Variants in CLSPN observed in about 807,000 individuals in gnomAD.
CLSPN encodes the protein claspin homolog.
CLSPN carries 85 observed loss-of-function variants against 156.3 expected under a neutral mutation model. The ratio of observed to expected loss-of-function variants is 0.54; its 90% CI spans 0.46 to 0.65. CLSPN has a LOEUF of 0.65. Among genes scored for constraint, CLSPN ranks in the 30% least tolerant of loss-of-function variants. CLSPN has a pLI of 0.00. For synonymous variants in CLSPN, 534 were observed against 542.4 expected (o/e 0.98, Z 0.22); for missense variants, 1,407 against 1,554.9 (o/e 0.90, Z 1.60).
At chr1:35,747,770 GTAA>G in intron 14 of CLSPN, 134 bp downstream of exon 14, 1 of 775,598 alleles carries the variant, frequency 1.3e-6, no homozygotes, top group South Asian at 2.1e-5. Context: ...CTTATAGAAT[GTAA>G]TACTAATGGT....
rs773970650 is a variant in CLSPN, at chr1:35,760,920, GA to G, written c.1005-5del. 3 of 1,596,818 alleles carry G rather than the reference GA, an allele frequency of 1.9e-6. No individual in the cohort carries two copies. Among genetic ancestry groups the G allele is most frequent in the Non-Finnish European group, 2.6e-6 (3 of 1,168,316 alleles). On this transcript the variant is annotated splice_region_variant and splice_polypyrimidine_tract_variant and intron_variant, in intron 7 of 24. Transcript: ENST00000318121. ...GCTTGACTGATATTTAGATGACCTA[GA>G]GAAGAGAAATTGAGCTGGAGTTGAA...
intron 4 of CLSPN, among the ~76,000 whole-genome samples, 199 bp downstream of exon 4, chr1:35,762,961 A>C (rs1005753615): frequency 1.3e-5 from 2 of 152,098 alleles, no homozygotes; most frequent in African/African-American, 2.4e-5. Context: ...GGGTAATAAC[A>C]AAACACTAGT....
chr1:35,743,197 A>C lies in CLSPN; in HGVS notation c.3087T>G (p.His1029Gln). The C allele has an allele frequency of 6.2e-7, 1 of 1,614,130 alleles. No homozygotes were observed. Among genetic ancestry groups the C allele is most frequent in the Non-Finnish European group, 8.5e-7 (1 of 1,179,982 alleles). Residue 1029 changes from histidine (H) to glutamine (Q), a missense_variant, in exon 18 of 25, where the codon CAT (histidine) becomes CAG (glutamine). Transcript: ENST00000318121. ...GGAGTTCTTCTTCATCATCATCTTC[A>C]TGGTCTTCCAGTGCCAGATCATTAC... ...DSGNDLALED[H>Q]EDDDEEELLK...
In CLSPN at chr1:35,762,386, T is replaced by C. The variant is rs1223481669; in HGVS notation, c.822+18A>G. 15 of 1,592,802 alleles carry C rather than the reference T, an allele frequency of 9.4e-6. No homozygotes were observed. In the African/African-American group the frequency reaches 1.2e-4, roughly 13 times the overall value. On this transcript the variant is annotated intron_variant, in intron 5 of 24. Transcript: ENST00000318121. ...TGTAAAGAGATCAGTGTGACTAATA[T>C]ACAGGGCTCTACCTCACCTTCCTCG...
At position 35,751,207 on chromosome 1, in the gene CLSPN, A is replaced by G. The variant is rs201575016; in HGVS notation, c.2028+43T>C. ...TTTCAAGTCTGACTTTTTCTCTCAT[A>G]TTCACCATGACAAGGTAACAAAACA... On this transcript the variant is annotated intron_variant, in intron 10 of 24. Coordinates refer to ENST00000318121, the MANE Select transcript of CLSPN (RefSeq NM_022111.4). 6.3e-6 allele frequency: 10 copies of G among 1,578,278 alleles called. No individual in the cohort carries two copies. The African/African-American group carries it at 6.8e-5, about 11-fold the overall frequency.
At position 35,746,930 on chromosome 1, in the gene CLSPN, G is replaced by A. The variant is rs1045388888; in HGVS notation, c.2690C>T (p.Ala897Val). Residue 897 changes from alanine (A) to valine (V), a missense_variant, in exon 15 of 25, where the codon GCC becomes GTC. Physicochemically the swap from Ala to Val is moderately conservative, Grantham distance 64 (BLOSUM62 0). Around this residue, in one of 3 missense-constraint regions of CLSPN, gnomAD observed 1,096 missense variants for 1,193.0 expected, o/e 0.92. Transcript: ENST00000318121. The surrounding 1 kb of genome is among the most constrained non-coding windows in gnomAD (Gnocchi z 4.2). The part of the protein sequence containing the change: ...YQALKPRLPL[A>V]SMDENAMDAN... The stretch of plus-strand genomic sequence containing the variant: ...ATCCATGGCATTCTCATCCATACTG[G>A]CCAATGGCAATCGAGGCTTCAAAGC... 6 of 1,613,912 alleles carry A rather than the reference G, an allele frequency of 3.7e-6. No individual in the cohort carries two copies. Among genetic ancestry groups the A allele is most frequent in the African/African-American group, 2.7e-5 (2 of 74,866 alleles).
chr1:35,747,554 C>G (rs898516044), intron 14 of CLSPN, among the ~76,000 whole-genome samples: 27 of 152,178 alleles, frequency 1.8e-4, no homozygotes, highest in Non-Finnish European at 2.8e-4. Context: ...GATGCTAGAG[C>G]AGGGCTTGGC....
intron 13 of CLSPN, 71 bp from the exon 14 acceptor site, chr1:35,748,132 A>G (rs2148618588): frequency 2.6e-6 from 4 of 1,531,264 alleles, no homozygotes; most frequent in Non-Finnish European, 3.5e-6. Context: ...GACAACCACA[A>G]AAGTTGCTAT....
chr1:35,722,054 G>A (rs1380927825), intron 24 of CLSPN, among the ~76,000 whole-genome samples: 16 of 151,472 alleles, frequency 1.1e-4, no homozygotes, highest in Non-Finnish European at 1.6e-4. Context: ...CAGGAGAATC[G>A]CTTGAACCCA....
At chr1:35,739,012 G>T in intron 20 of CLSPN, 124 bp downstream of exon 20, 1 of 1,115,900 alleles carries the variant, frequency 9.0e-7, no homozygotes, top group Non-Finnish European at 1.3e-6. Flanking sequence ...TGTTGTTCAG[G>T]CTGGTCCTGA....
Position 35,746,735 on chromosome 1 carries a change from G to A in CLSPN, c.2854+31C>T, listed in dbSNP as rs1327729516. Reference sequence around the variant, plus strand: ...TCAAGGGCACTGATACTTGGGTGTGGTAAGCTTGATACTCTCGGTTGGATA... The same window carrying A: ...TCAAGGGCACTGATACTTGGGTGTGATAAGCTTGATACTCTCGGTTGGATA... On this transcript the variant is annotated intron_variant, in intron 15 of 24. Transcript: ENST00000318121. This position sits in a 1 kb window ranked among gnomAD's most constrained non-coding sequence, Gnocchi z 4.2. 1 of 1,466,990 alleles carries A rather than the reference G, an allele frequency of 6.8e-7. No individual in the cohort carries two copies. Among genetic ancestry groups the A allele is most frequent in the East Asian group, 2.3e-5 (1 of 44,252 alleles). 90.9% of individuals were successfully genotyped at this position (1,466,990 alleles called of 1,614,324 possible). A position where few individuals can be genotyped will look rare whatever the true frequency, so the allele number is the denominator to read the frequency against.
chr1:35,728,130 C>T (rs921974454), downstream of CLSPN, among the ~76,000 whole-genome samples: 1 of 136,466 alleles, frequency 7.3e-6, no homozygotes, highest in South Asian at 2.4e-4. Flanking sequence ...GTCACCCAGA[C>T]TGGAATGCAA....
At chr1:35,747,328 A>T (rs1408650244) in intron 14 of CLSPN, among the ~76,000 whole-genome samples, 1 of 152,148 alleles carries the variant, frequency 6.6e-6, no homozygotes, top group Non-Finnish European at 1.5e-5. Context: ...CCTCAAAAAA[A>T]AAAATAAAAA....
Position 35,732,967 on chromosome 1 carries a change from C to A in CLSPN, c.*3529G>T, listed in dbSNP as rs1187340666. On this transcript the variant is annotated 3_prime_UTR_variant, in exon 25 of 25. Coordinates refer to ENST00000318121, the MANE Select transcript of CLSPN (RefSeq NM_022111.4). ...GCCTCAATCAGAAACCATTTTCTTT[C>A]TTTCTTTTTTTTTTTGAGAGGGAGT... 1.0e-6 allele frequency: 1 copy of A among 984,698 alleles called. No homozygotes were observed. The highest frequency in any genetic ancestry group is 1.2e-6 in the Non-Finnish European group (1 of 829,418). 61.0% of individuals were successfully genotyped at this position (984,698 alleles called of 1,614,324 possible). A position where few individuals can be genotyped will look rare whatever the true frequency, so the allele number is the denominator to read the frequency against.
chr1:35,731,946 C>T (rs1641327719), downstream of CLSPN, among the ~76,000 whole-genome samples: 1 of 152,196 alleles, frequency 6.6e-6, no homozygotes. Context: ...TAATTTCTTT[C>T]ATTCTCAAAG....
intron 24 of CLSPN, 126 bp from the exon 25 acceptor site, chr1:35,736,732 C>A: frequency 7.1e-7 from 1 of 1,418,388 alleles, no homozygotes. Flanking sequence ...GAAAGATAAA[C>A]TTTCTCGGCA....
At chr1:35,739,341 A>G (rs1641608632) in intron 19 of CLSPN, 24 bp downstream of exon 19, 3 of 1,613,814 alleles carry the variant, frequency 1.9e-6, no homozygotes, top group Non-Finnish European at 2.5e-6. Flanking sequence ...CCTATTACTC[A>G]GAAGGGCTTA....
At position 35,736,279 on chromosome 1, in the gene CLSPN, T is replaced by A; in HGVS notation, c.*217A>T. On this transcript the variant is annotated 3_prime_UTR_variant, in exon 25 of 25. Transcript: ENST00000318121. ...TTCCATGAGTTGTTGATGTTGTAAA[T>A]ACTGCAGAATTGAAATCAGTGGCCA... 2 of 1,164,010 alleles carry A rather than the reference T, an allele frequency of 1.7e-6. No individual in the cohort carries two copies. The highest frequency in any genetic ancestry group is 2.1e-6 in the Non-Finnish European group (2 of 945,612). The allele number at this position is 1,164,010 out of a possible 1,614,324, so 72.1% of individuals were successfully genotyped here. A position where few individuals can be genotyped will look rare whatever the true frequency, so the allele number is the denominator to read the frequency against.
rs1641383152 is a variant in CLSPN at position 35,733,924 on chromosome 1, G to A, written c.*2572C>T. 1.2e-6 allele frequency: 1 copy of A among 829,360 alleles called. No individual in the cohort carries two copies. Among genetic ancestry groups the A allele is most frequent in the African/African-American group, 1.9e-5 (1 of 54,042 alleles). 51.4% of individuals were successfully genotyped at this position (829,360 alleles called of 1,614,324 possible). ...AAGCCCAGGAGTTCAAGGGTACAGT[G>A]AGCTATGATTGTGCCACTGCACTCT... On this transcript the variant is annotated 3_prime_UTR_variant, in exon 25 of 25. Transcript: ENST00000318121.
Sources: gnomAD v4.1 joint callset for allele counts (sites outside exome capture counted in the v4.1 genomes callset) on GRCh38, gnomAD v4.1.1 for gene constraint, gnomAD v4.1.1 regional missense constraint, Gnocchi (gnomAD v3.1) non-coding constraint, MANE v1.5 for transcripts, NCBI Gene and HGNC (gene_info 2026-07-23, HGNC 2026-07-21) for gene names.